TNFAIP8: variants seen among roughly 807,000 people sequenced by gnomAD.
The protein encoded by TNFAIP8 is tumor necrosis factor alpha-induced protein 8.
In TNFAIP8, 7 loss-of-function variants were observed where a neutral mutation model predicts 13.3. The ratio of observed to expected loss-of-function variants is 0.52; its 90% CI spans 0.30 to 0.99. The LOEUF (loss-of-function observed/expected upper bound fraction) is 0.99, where lower values mean the gene tolerates loss of function less well. Among genes scored for constraint, TNFAIP8 ranks in the 50% least tolerant of loss-of-function variants. The probability of loss-of-function intolerance (pLI) is 0.07; values close to 1 mark genes in which losing one functional copy is unlikely to be tolerated. For missense variants in TNFAIP8, 258 were observed against 236.9 expected, an observed-to-expected ratio of 1.09 and a Z score of -0.58; for synonymous variants, 94 against 87.6, an observed-to-expected ratio of 1.07 and a Z score of -0.41.
intron 1 of TNFAIP8, among the ~76,000 whole-genome samples, chr5:119,344,332 C>CGAGGACTCACA (rs1750829636): frequency 6.6e-6 from 1 of 151,484 alleles, no homozygotes. Flanking sequence ...CGCATGAACT[C>CGAGGACTCACA]ATAGAGCAAG....
chr5:119,358,689 C>T (rs1007061622), intron 1 of TNFAIP8, among the ~76,000 whole-genome samples: 5 of 152,054 alleles, frequency 3.3e-5, no homozygotes, highest in African/African-American at 9.7e-5. Flanking sequence ...GGCTGATAGC[C>T]GTGTATTTGG....
rs187700151 is a variant in TNFAIP8, at chr5:119,363,527, G to A, written c.31+7406G>A. ...CATTTGGAAGAGCATTTGCCTACAG[G>A]CCTCTTCCTGTGGCATCACACAAAA... On this transcript the variant is annotated intron_variant, in intron 1 of 1. Transcript: ENST00000504771. Among the ~76,000 whole-genome samples the A allele has an allele frequency of 2.6e-5, 4 of 152,282 alleles. No individual in the cohort carries two copies. The East Asian group carries it at 7.7e-4, about 29-fold the overall frequency.
intron 1 of TNFAIP8, among the ~76,000 whole-genome samples, chr5:119,339,939 T>C (rs868425467): frequency 6.6e-5 from 10 of 152,238 alleles, no homozygotes; most frequent in South Asian, 2.1e-4. Flanking sequence ...CTTTGGAAGC[T>C]GCACACAAAT....
intron 1 of TNFAIP8, chr5:119,306,577 C>T (rs1749572916): frequency 6.6e-6 from 1 of 152,158 alleles, no homozygotes; most frequent in South Asian, 2.1e-4. Context: ...AAGCGATCCT[C>T]CTGTCTTGGC....
At chr5:119,309,582 A>G (rs778547509) in intron 1 of TNFAIP8, among the ~76,000 whole-genome samples, 2 of 152,180 alleles carry the variant, frequency 1.3e-5, no homozygotes, top group Non-Finnish European at 2.9e-5. Context: ...ATAACAATAG[A>G]GGAAATGGCA....
chr5:119,289,259 G>A (rs187385041), intron 1 of TNFAIP8, among the ~76,000 whole-genome samples: 4 of 152,062 alleles, frequency 2.6e-5, no homozygotes, highest in Non-Finnish European at 4.4e-5. Flanking sequence ...TCTTTGTGTG[G>A]TATCTGTGGT....
At chr5:119,358,886 G>T (rs574781532) in intron 1 of TNFAIP8, among the ~76,000 whole-genome samples, 1 of 152,286 alleles carries the variant, frequency 6.6e-6, no homozygotes, top group South Asian at 2.1e-4. Context: ...GTGTCACTTT[G>T]TGGGGACTTG....
chr5:119,385,899 G>A (rs1035567113), intron 1 of TNFAIP8, among the ~76,000 whole-genome samples: 86 of 152,326 alleles, frequency 5.6e-4, no homozygotes, highest in African/African-American at 2.0e-3. Flanking sequence ...CATCTATGTG[G>A]TCCATGTCCA....
At chr5:119,371,903 C>T (rs780933549) in intron 1 of TNFAIP8, among the ~76,000 whole-genome samples, 5 of 151,256 alleles carry the variant, frequency 3.3e-5, no homozygotes, top group African/African-American at 4.9e-5. Context: ...TTTGGGAGGC[C>T]GAAGCGGGCA....
upstream of TNFAIP8, chr5:119,355,924 A>T: frequency 1.5e-6 from 2 of 1,368,384 alleles, no homozygotes; most frequent in Non-Finnish European, 1.9e-6. Context: ...TTTCCCCCTG[A>T]AAATCCCTGC....
intron 1 of TNFAIP8, among the ~76,000 whole-genome samples, chr5:119,334,723 G>A (rs1168004081): frequency 1.3e-5 from 2 of 151,172 alleles, no homozygotes; most frequent in East Asian, 1.9e-4. Flanking sequence ...TCAGTGAGCC[G>A]AGAATCGCAC....
chr5:119,380,938 T>C (rs921886782), intron 1 of TNFAIP8, among the ~76,000 whole-genome samples: 3 of 152,240 alleles, frequency 2.0e-5, no homozygotes, highest in African/African-American at 7.2e-5. Flanking sequence ...TGAGAGGGAA[T>C]TAAATCTGTC....
intron 1 of TNFAIP8, among the ~76,000 whole-genome samples, chr5:119,284,831 GC>G (rs1308620112): frequency 6.6e-6 from 1 of 152,166 alleles, no homozygotes; most frequent in African/African-American, 2.4e-5. Context: ...ACTAGCATTT[GC>G]TTGTTAACAA....
chr5:119,323,803 G>A (rs1750133359), intron 1 of TNFAIP8, among the ~76,000 whole-genome samples: 1 of 152,138 alleles, frequency 6.6e-6, no homozygotes, highest in Admixed American at 6.5e-5. Flanking sequence ...GGCTGAATGG[G>A]CTTCTGCAGT....
chr5:119,351,022 GTGTGTGTGTGTGTA>G (rs1562012678), upstream of TNFAIP8, among the ~76,000 whole-genome samples: 2 of 151,234 alleles, frequency 1.3e-5, no homozygotes, highest in African/African-American at 4.9e-5. Context: ...GTGTGTGTGT[GTGTGTGTGTGTGTA>G]GAGAGAGAGA....
chr5:119,372,830 G>A (rs781071393), intron 1 of TNFAIP8, among the ~76,000 whole-genome samples: 1 of 152,070 alleles, frequency 6.6e-6, no homozygotes, highest in Admixed American at 6.5e-5. Flanking sequence ...GCATGGTGGC[G>A]CACACCTGTA....
At chr5:119,326,464 G>A (rs1750228856) in intron 1 of TNFAIP8, among the ~76,000 whole-genome samples, 1 of 152,204 alleles carries the variant, frequency 6.6e-6, no homozygotes, top group Admixed American at 6.5e-5. Flanking sequence ...AGGCAAAACA[G>A]TGAAGCACGG....
chr5:119,317,582 G>GATA (rs200041962), intron 1 of TNFAIP8, among the ~76,000 whole-genome samples: 79 of 148,242 alleles, frequency 5.3e-4, no homozygotes, highest in African/African-American at 1.8e-3. Context: ...TACCTTATAT[G>GATA]ATAATAATAA....
In TNFAIP8 at chr5:119,393,491, A is replaced by G; in HGVS notation, c.*110A>G. On this transcript the variant is annotated 3_prime_UTR_variant, in exon 2 of 2. Coordinates refer to ENST00000504771, the MANE Select transcript of TNFAIP8 (RefSeq NM_014350.4). Reference sequence around the variant, plus strand: ...TAAAGATTACACATATTTCAGAAAGACTTTACCCAATTCAGTTGTCAGACA... The same window carrying G: ...TAAAGATTACACATATTTCAGAAAGGCTTTACCCAATTCAGTTGTCAGACA... The G allele has an allele frequency of 9.4e-7, 1 of 1,069,118 alleles. No homozygotes were observed. The highest frequency in any genetic ancestry group is 1.3e-6 in the Non-Finnish European group (1 of 749,546). The allele number at this position is 1,069,118 out of a possible 1,614,324, so 66.2% of individuals were successfully genotyped here. A position where few individuals can be genotyped will look rare whatever the true frequency, so the allele number is the denominator to read the frequency against.
Sources: allele counts gnomAD v4.1 joint callset (sites outside exome capture counted in the v4.1 genomes callset), GRCh38; gene constraint gnomAD v4.1.1; transcripts MANE v1.5; gene names NCBI Gene and HGNC (gene_info 2026-07-23, HGNC 2026-07-21).